Variants in SAMMSON observed in about 807,000 individuals in gnomAD.
SAMMSON encodes the protein survival associated mitochondrial melanoma specific oncogenic non-coding RNA, also known as long intergenic non-protein coding RNA 1212.
At chr3:70,142,366 A>G (rs2106681794) in intron 4 of SAMMSON, among the ~76,000 whole-genome samples, 1 of 152,348 alleles carries the variant, frequency 6.6e-6, no homozygotes, top group East Asian at 1.9e-4. Context: ...ATAAAAAGGA[A>G]TGAATGAATG....
At chr3:70,342,135 A>C (rs1007573112) in intron 7 of SAMMSON, among the ~76,000 whole-genome samples, 16 of 152,208 alleles carry the variant, frequency 1.1e-4, no homozygotes, top group African/African-American at 3.6e-4. Flanking sequence ...TATTCTGTTT[A>C]TACCATTTCT....
intron 4 of SAMMSON, among the ~76,000 whole-genome samples, chr3:70,117,358 A>G (rs1484937683): frequency 6.6e-6 from 1 of 152,232 alleles, no homozygotes; most frequent in Non-Finnish European, 1.5e-5. Flanking sequence ...ATCTTCCCAA[A>G]TTTGAATGGA....
chr3:70,187,383 G>C (rs1340919445), intron 4 of SAMMSON, among the ~76,000 whole-genome samples: 1 of 149,098 alleles, frequency 6.7e-6, no homozygotes, highest in Non-Finnish European at 1.5e-5. Flanking sequence ...AGACATTTTT[G>C]GTGGCCTTAT....
chr3:70,044,491 C>G (rs967677514), intron 3 of SAMMSON, among the ~76,000 whole-genome samples: 11 of 151,902 alleles, frequency 7.2e-5, no homozygotes, highest in Admixed American at 5.3e-4. Context: ...TTAAGCCAAC[C>G]AGATATTCAT....
intron 3 of SAMMSON, among the ~76,000 whole-genome samples, chr3:70,065,859 C>T (rs1337009558): frequency 1.9e-4 from 29 of 152,066 alleles, no homozygotes; most frequent in South Asian, 2.1e-4. Context: ...TATTTTTCAC[C>T]GCTGGTTGCC....
intron 9 of SAMMSON, among the ~76,000 whole-genome samples, chr3:70,384,867 T>C (rs931492294): frequency 6.6e-6 from 1 of 152,108 alleles, no homozygotes; most frequent in Non-Finnish European, 1.5e-5. Context: ...AAATGTTCTA[T>C]ATTTGTGCTG....
chr3:70,219,179 T>C (rs1381123088), intron 4 of SAMMSON, among the ~76,000 whole-genome samples: 1 of 152,114 alleles, frequency 6.6e-6, no homozygotes, highest in Non-Finnish European at 1.5e-5. Flanking sequence ...CCTTTAAAAA[T>C]ATGGAAAAAC....
At chr3:70,106,026 T>G (rs529065708) in intron 4 of SAMMSON, among the ~76,000 whole-genome samples, 1 of 152,336 alleles carries the variant, frequency 6.6e-6, no homozygotes, top group Admixed American at 6.5e-5. Context: ...TTTCTGGAAG[T>G]CTGAGGGCAA....
intron 4 of SAMMSON, among the ~76,000 whole-genome samples, chr3:70,238,612 A>T (rs1440998323): frequency 1.3e-5 from 2 of 151,726 alleles, no homozygotes; most frequent in African/African-American, 2.4e-5. Flanking sequence ...CTTGTCTCAA[A>T]AAAGAAAAAA....
chr3:70,386,089 G>A (rs1380446839), intron 9 of SAMMSON, among the ~76,000 whole-genome samples: 1 of 152,092 alleles, frequency 6.6e-6, no homozygotes, highest in Non-Finnish European at 1.5e-5. Flanking sequence ...CATGCTTTGG[G>A]AGCAGTATAG....
intron 4 of SAMMSON, among the ~76,000 whole-genome samples, chr3:70,109,379 C>T (rs544421896): frequency 6.6e-6 from 1 of 152,242 alleles, no homozygotes; most frequent in African/African-American, 2.4e-5. Context: ...CCACTTCCAT[C>T]CCGGCTACAA....
chr3:70,120,969 A>G (rs1475857053), intron 4 of SAMMSON, among the ~76,000 whole-genome samples: 2 of 152,158 alleles, frequency 1.3e-5, no homozygotes, highest in Non-Finnish European at 2.9e-5. Flanking sequence ...GCAACTCACC[A>G]TTATGTAGAA....
intron 4 of SAMMSON, among the ~76,000 whole-genome samples, chr3:70,201,517 A>G (rs1256746756): frequency 6.6e-6 from 1 of 152,156 alleles, no homozygotes; most frequent in Non-Finnish European, 1.5e-5. Flanking sequence ...CATACAGCTT[A>G]CACAGGCCTC....
At chr3:70,151,976 A>G (rs377349455) in intron 4 of SAMMSON, among the ~76,000 whole-genome samples, 1 of 152,146 alleles carries the variant, frequency 6.6e-6, no homozygotes, top group African/African-American at 2.4e-5. Flanking sequence ...AGTGTTAAGG[A>G]TGTTTTACAG....
At chr3:70,248,212 G>T (rs1361173160) in intron 4 of SAMMSON, among the ~76,000 whole-genome samples, 1 of 152,050 alleles carries the variant, frequency 6.6e-6, no homozygotes, top group South Asian at 2.1e-4. Flanking sequence ...AAGCATTGTA[G>T]TTATGTGCTA....
chr3:70,216,696 C>T (rs180877111), intron 4 of SAMMSON, among the ~76,000 whole-genome samples: 75 of 152,254 alleles, frequency 4.9e-4, no homozygotes, highest in African/African-American at 1.7e-3. Context: ...AAAACATACT[C>T]AGGTCTCTGC....
intron 3 of SAMMSON, among the ~76,000 whole-genome samples, chr3:70,019,633 A>G (rs1004949219): frequency 9.2e-5 from 14 of 152,128 alleles, no homozygotes; most frequent in African/African-American, 3.4e-4. Context: ...TTATGATGTT[A>G]GCTGGTTATT....
At chr3:70,425,877 T>C (rs1227006737) in intron 2 of SAMMSON, among the ~76,000 whole-genome samples, 1 of 152,230 alleles carries the variant, frequency 6.6e-6, no homozygotes, top group Admixed American at 6.5e-5. Flanking sequence ...AGTAATTCTC[T>C]TGGGGCCACA....
chr3:70,431,077 T>G (rs978163836), intron 2 of SAMMSON, among the ~76,000 whole-genome samples: 1 of 152,100 alleles, frequency 6.6e-6, no homozygotes, highest in African/African-American at 2.4e-5. Context: ...AGTTATTATT[T>G]GATGGAAGGA....
Sources: allele counts gnomAD v4.1 joint callset (sites outside exome capture counted in the v4.1 genomes callset), GRCh38; gene constraint gnomAD v4.1.1; transcripts MANE v1.5; gene names NCBI Gene and HGNC (gene_info 2026-07-23, HGNC 2026-07-21).